Variants in BSPRY observed in about 807,000 individuals in gnomAD.
The protein encoded by BSPRY is B-box and SPRY domain containing.
Under a neutral mutation model 38.0 loss-of-function variants are expected in BSPRY, and 33 were observed. That is an observed-to-expected ratio of 0.87 (90% CI 0.66 to 1.16). BSPRY has a LOEUF of 1.16. Among genes scored for constraint, BSPRY ranks in the 50% most tolerant of loss-of-function variants. BSPRY has a pLI of 0.00. For missense variants in BSPRY, 523 were observed against 533.2 expected (o/e 0.98, Z 0.19); for synonymous variants, 224 against 228.5 (o/e 0.98, Z 0.18).
chr9:113,368,441 G>A, intron 5 of BSPRY, 58 bp downstream of exon 5: 2 of 1,586,200 alleles, frequency 1.3e-6, no homozygotes, highest in Non-Finnish European at 1.7e-6. Flanking sequence ...CTGTCTGTCT[G>A]GGGTTCACTC....
intron 3 of BSPRY, 115 bp downstream of exon 3, chr9:113,360,852 T>TG: frequency 1.1e-6 from 1 of 920,454 alleles, no homozygotes; most frequent in South Asian, 1.7e-5. Flanking sequence ...GGAGCAGGGA[T>TG]GAGTGACAAA....
At chr9:113,360,069 C>T (rs1834123345) in intron 2 of BSPRY, among the ~76,000 whole-genome samples, 1 of 152,068 alleles carries the variant, frequency 6.6e-6, no homozygotes, top group African/African-American at 2.4e-5. Context: ...TCAGTTTTTT[C>T]CCTCAAACAT....
Position 113,359,607 on chromosome 9 carries a change from A to T in BSPRY, c.301-900A>T, listed in dbSNP as rs1395535350. Among the ~76,000 whole-genome samples, 9 of 152,308 alleles carry T rather than the reference A, an allele frequency of 5.9e-5. No homozygotes were observed. In the East Asian group the frequency reaches 1.7e-3, roughly 29 times the overall value. On this transcript the variant is annotated intron_variant, in intron 2 of 5. Transcript: ENST00000374183. Reference sequence around the variant, plus strand: ...GCCTTATGCAACAGGTGCCTTTGGGAAGGATTGGTTGCCAGGTGGCATCTG... The same window carrying T: ...GCCTTATGCAACAGGTGCCTTTGGGTAGGATTGGTTGCCAGGTGGCATCTG...
chr9:113,357,026 C>T (rs1483229083), intron 2 of BSPRY, among the ~76,000 whole-genome samples: 5 of 152,028 alleles, frequency 3.3e-5, no homozygotes, highest in East Asian at 3.9e-4. Context: ...TATTGAAAGC[C>T]GTGGGAGAGG....
At chr9:113,355,695 A>G (rs1290584792) in intron 2 of BSPRY, among the ~76,000 whole-genome samples, 1 of 147,424 alleles carries the variant, frequency 6.8e-6, no homozygotes, top group Non-Finnish European at 1.5e-5. Flanking sequence ...GCTCACTGAA[A>G]CCTCCGTCTC....
At chr9:113,369,470 C>T in intron 5 of BSPRY, 146 bp from the exon 6 acceptor site, 2 of 784,780 alleles carry the variant, frequency 2.5e-6, no homozygotes, top group Non-Finnish European at 4.1e-6. Context: ...TATTTTGACC[C>T]CCGTTTTGCA....
rs1218042919 is a variant in BSPRY, at chr9:113,369,879, T to C, written c.946T>C (p.Cys316Arg). Residue 316 changes from cysteine to arginine, a missense_variant, in exon 6 of 6, where the codon TGC (cysteine) becomes CGC (arginine). By Grantham distance (180) the Cys-to-Arg change is radical. Transcript: ENST00000374183. ...GCCCCGCAAGGGTTCTGGCAGTGAC[T>C]GCCGTCTGGGCCACAATGCCTTCTC... ...HLPRKGSGSD[C>R]RLGHNAFSWV... is the part of the protein sequence containing the mutation. The C allele has an allele frequency of 3.5e-5, 57 of 1,614,130 alleles. No homozygotes were observed. Among genetic ancestry groups the C allele is most frequent in the Non-Finnish European group, 4.7e-5 (56 of 1,180,038 alleles).
Position 113,369,815 on chromosome 9 carries a change from C to T in BSPRY, c.882C>T (p.Asn294=), listed in dbSNP as rs367978873. The change falls in exon 6 of 6, where the codon AAC becomes AAT. Residue 294 remains asparagine, a synonymous_variant. Coordinates refer to ENST00000374183, the MANE Select transcript of BSPRY (RefSeq NM_017688.3). The part of the protein sequence containing the change: ...GLHAWMVNVQ[N]SCAYKVGVAS... ...ATGCCTGGATGGTGAATGTCCAGAA[C>T]AGTTGTGCCTATAAGGTGGGCGTGG... 1.9e-6 allele frequency: 3 copies of T among 1,614,248 alleles called. No individual in the cohort carries two copies. The highest frequency in any genetic ancestry group is 2.5e-6 in the Non-Finnish European group (3 of 1,180,032).
intron 5 of BSPRY, 27 bp downstream of exon 5, chr9:113,368,410 T>C (rs1450713465): frequency 6.2e-7 from 1 of 1,607,634 alleles, no homozygotes; most frequent in Non-Finnish European, 8.5e-7. Flanking sequence ...CCCAGGACCA[T>C]TAGGACAACT....
At position 113,360,452 on chromosome 9, in the gene BSPRY, A is replaced by G; in HGVS notation, c.301-55A>G. The G allele has an allele frequency of 2.0e-6, 3 of 1,526,244 alleles. No individual in the cohort carries two copies. The East Asian group carries it at 7.1e-5, about 36-fold the overall frequency. The allele number at this position is 1,526,244 out of a possible 1,614,324, so 94.5% of individuals were successfully genotyped here. A position where few individuals can be genotyped will look rare whatever the true frequency, so the allele number is the denominator to read the frequency against. ...TTCCACTGAGCCTAAACCCTCTTAA[A>G]TCCTGACCGGGGCTTTGCACAGACC... On this transcript the variant is annotated intron_variant, in intron 2 of 5. Transcript: ENST00000374183.
rs1386499042 is a variant in BSPRY, at chr9:113,360,621, G to C, written c.415G>C (p.Ala139Pro). 6.2e-7 allele frequency: 1 copy of C among 1,608,690 alleles called. No homozygotes were observed. The highest frequency in any genetic ancestry group is 8.5e-7 in the Non-Finnish European group (1 of 1,178,630). The stretch of plus-strand genomic sequence containing the variant: ...ACAGGTGCATGGCGAAGAGGAGCGG[G>C]CCCACCAGAGCATCCTGACACAGCG... ...LEQVHGEEER[A>P]HQSILTQRVH... Residue 139 changes from alanine (A) to proline (P), a missense_variant, in exon 3 of 6, where the codon GCC becomes CCC. Coordinates refer to ENST00000374183, the MANE Select transcript of BSPRY (RefSeq NM_017688.3).
At chr9:113,364,327 G>A (rs868848824) in intron 4 of BSPRY, among the ~76,000 whole-genome samples, 6 of 152,174 alleles carry the variant, frequency 3.9e-5, no homozygotes, top group Non-Finnish European at 5.9e-5. Context: ...AAATATTGCA[G>A]TGTAGACGGA....
intron 4 of BSPRY, among the ~76,000 whole-genome samples, chr9:113,366,100 C>A (rs1010889909): frequency 6.6e-6 from 1 of 152,078 alleles, no homozygotes; most frequent in African/African-American, 2.4e-5. Flanking sequence ...CCACCATGCC[C>A]AGCCTGTATC....
intron 1 of BSPRY, among the ~76,000 whole-genome samples, chr9:113,353,826 C>T (rs1049217737): frequency 6.6e-6 from 1 of 152,148 alleles, no homozygotes; most frequent in South Asian, 2.1e-4. Flanking sequence ...TATAATGATT[C>T]TAATCTTAAA....
Position 113,349,772 on chromosome 9 carries a change from G to A in BSPRY, c.193G>A (p.Glu65Lys). The stretch of plus-strand genomic sequence containing the variant: ...CCGCCGGGCGGAGGAGCGCGCCGAG[G>A]AGCTGCGGGTGAGCGGGTGTGGGCG... ...RIRRAEERAE[E>K]LRNKIVDQCE... The change falls in exon 1 of 6, where the codon GAG becomes AAG. Residue 65 changes from glutamate (E) to lysine (K), a missense_variant. Coordinates refer to ENST00000374183, the MANE Select transcript of BSPRY (RefSeq NM_017688.3). 1 of 1,233,904 alleles carries A rather than the reference G, an allele frequency of 8.1e-7. No individual in the cohort carries two copies. The highest frequency in any genetic ancestry group is 3.3e-5 in the East Asian group (1 of 30,266). The allele number at this position is 1,233,904 out of a possible 1,614,324, so 76.4% of individuals were successfully genotyped here.
chr9:113,354,436 G>C, intron 2 of BSPRY, 98 bp downstream of exon 2: 1 of 865,256 alleles, frequency 1.2e-6, no homozygotes, highest in Non-Finnish European at 1.9e-6. Context: ...CAACCTCACA[G>C]ACTCATTGTG....
At chr9:113,357,710 AT>A (rs1834082252) in intron 2 of BSPRY, among the ~76,000 whole-genome samples, 2 of 151,076 alleles carry the variant, frequency 1.3e-5, no homozygotes, top group Non-Finnish European at 1.5e-5. Context: ...TTTCATTATT[AT>A]TTCTTTCTCT....
intron 3 of BSPRY, among the ~76,000 whole-genome samples, chr9:113,361,276 C>CAAGACCTG (rs1834148938): frequency 6.6e-6 from 1 of 152,212 alleles, no homozygotes; most frequent in Non-Finnish European, 1.5e-5. Context: ...TAAAGTCTGC[C>CAAGACCTG]TTACTGTGCT....
intron 2 of BSPRY, among the ~76,000 whole-genome samples, chr9:113,357,684 T>C (rs2118912401): frequency 6.6e-6 from 1 of 152,016 alleles, no homozygotes; most frequent in African/African-American, 2.4e-5. Context: ...TCTACTCTTT[T>C]GTATCTTTGT....
Sources: gnomAD v4.1 joint callset for allele counts (sites outside exome capture counted in the v4.1 genomes callset) on GRCh38, gnomAD v4.1.1 for gene constraint, MANE v1.5 for transcripts, NCBI Gene and HGNC (gene_info 2026-07-23, HGNC 2026-07-21) for gene names.